The following GRID1 variants were observed in gnomAD, a reference collection of about 807,000 sequenced individuals.
GRID1 encodes the protein glutamate ionotropic receptor delta type subunit 1, also known as glutamate receptor ionotropic, delta-1.
Under a neutral mutation model 98.0 loss-of-function variants are expected in GRID1, and 28 were observed. The ratio of observed to expected loss-of-function variants is 0.29; its 90% confidence interval spans 0.21 to 0.39. The LOEUF (loss-of-function observed/expected upper bound fraction) is 0.39. GRID1 is among the 10% of genes least tolerant of loss of function. GRID1 has a pLI of 1.00. For synonymous variants in GRID1, 553 were observed against 538.5 expected (o/e 1.03, Z -0.37); for missense variants, 1,111 against 1,340.5 (o/e 0.83, Z 2.67).
chr10:86,140,109 A>G (rs553686439), intron 3 of GRID1, among the ~76,000 whole-genome samples: 1 of 152,324 alleles, frequency 6.6e-6, no homozygotes, highest in South Asian at 2.1e-4. Flanking sequence ...TTGTTTGCCT[A>G]AGGTGGGTCA....
At chr10:85,788,917 G>A (rs1192693030) in intron 8 of GRID1, among the ~76,000 whole-genome samples, 1 of 152,132 alleles carries the variant, frequency 6.6e-6, no homozygotes, top group African/African-American at 2.4e-5. Flanking sequence ...GGGAGGTAGG[G>A]TGGGTACATG....
chr10:85,734,181 T>C (rs1425544742), intron 8 of GRID1, among the ~76,000 whole-genome samples: 1 of 152,218 alleles, frequency 6.6e-6, no homozygotes, highest in Admixed American at 6.5e-5. Context: ...TATGGCTAGT[T>C]TGGCCAGCAC....
intron 8 of GRID1, among the ~76,000 whole-genome samples, chr10:85,788,159 AG>A (rs935162271): frequency 1.3e-5 from 2 of 152,146 alleles, no homozygotes; most frequent in Admixed American, 6.5e-5. Flanking sequence ...CTGATGAATG[AG>A]GGGGAAAAAA....
intron 12 of GRID1, among the ~76,000 whole-genome samples, chr10:85,648,656 C>T (rs972885557): frequency 6.6e-6 from 1 of 152,196 alleles, no homozygotes; most frequent in Non-Finnish European, 1.5e-5. Flanking sequence ...ATCCCACACA[C>T]TCCCCATCCA....
At chr10:85,905,982 G>C (rs189950200) in intron 5 of GRID1, among the ~76,000 whole-genome samples, 1 of 151,920 alleles carries the variant, frequency 6.6e-6, no homozygotes, top group African/African-American at 2.4e-5. Context: ...AAAATAGCAA[G>C]ACCTAAATAA....
chr10:85,730,134 A>G (rs1025209656), intron 8 of GRID1, among the ~76,000 whole-genome samples: 3 of 152,194 alleles, frequency 2.0e-5, no homozygotes, highest in African/African-American at 7.2e-5. Context: ...GCCTGTTTTC[A>G]CTGTGGTGCC....
Position 85,669,003 on chromosome 10 carries a change from C to T in GRID1, c.1998-21606G>A, listed in dbSNP as rs1841054748. Among the ~76,000 whole-genome samples, 5 of 152,320 alleles carry T rather than the reference C, an allele frequency of 3.3e-5. No individual in the cohort carries two copies. The South Asian group carries it at 1.0e-3, about 32-fold the overall frequency. On this transcript the variant is annotated intron_variant, in intron 12 of 15. Transcript: ENST00000327946. ...CACTGTGGACTTGCACTGGCAAAGCCAGGTGTTTGAAAAACATTATCCAAG... is the reference window on the plus strand; with the variant it reads ...CACTGTGGACTTGCACTGGCAAAGCTAGGTGTTTGAAAAACATTATCCAAG...
At chr10:86,079,624 C>T (rs1392187279) in intron 4 of GRID1, among the ~76,000 whole-genome samples, 1 of 152,182 alleles carries the variant, frequency 6.6e-6, no homozygotes, top group Non-Finnish European at 1.5e-5. Flanking sequence ...CTCCAAATCC[C>T]AGCACCAACC....
At chr10:85,797,439 AC>A (rs1842535222) in intron 8 of GRID1, among the ~76,000 whole-genome samples, 2 of 151,288 alleles carry the variant, frequency 1.3e-5, no homozygotes. Context: ...TTATTTATTT[AC>A]TTTTTTGAGA....
chr10:86,041,249 T>G (rs918760316), intron 4 of GRID1, among the ~76,000 whole-genome samples: 1 of 152,234 alleles, frequency 6.6e-6, no homozygotes, highest in Non-Finnish European at 1.5e-5. Context: ...TGTGAGTGGT[T>G]GGGCAGGCCC....
At chr10:86,113,950 C>T (rs1185717276) in intron 4 of GRID1, among the ~76,000 whole-genome samples, 3 of 152,198 alleles carry the variant, frequency 2.0e-5, no homozygotes, top group Admixed American at 6.5e-5. Context: ...TTTCCTTAAT[C>T]GATGGTGAGT....
intron 13 of GRID1, among the ~76,000 whole-genome samples, chr10:85,634,292 C>T (rs900346214): frequency 7.5e-5 from 8 of 106,650 alleles, no homozygotes; most frequent in African/African-American, 3.5e-4. Context: ...CTCTCTCTCT[C>T]ACACACACAC....
Position 85,735,801 on chromosome 10 carries a change from G to T in GRID1, c.1234-6187C>A, listed in dbSNP as rs1259371883. Among the ~76,000 whole-genome samples, 20 of 151,424 alleles carry T rather than the reference G, an allele frequency of 1.3e-4. No individual in the cohort carries two copies. The Admixed American group carries it at 1.3e-3, about 10-fold the overall frequency. On this transcript the variant is annotated intron_variant, in intron 8 of 15. Transcript: ENST00000327946. ...CGAAGGGAAGGAGAGAGGAAGGGAG[G>T]AAGGAAGGAGGGATGGAGGGATGCA...
chr10:86,329,632 C>G (rs768484876), intron 2 of GRID1, among the ~76,000 whole-genome samples: 6 of 152,192 alleles, frequency 3.9e-5, no homozygotes, highest in African/African-American at 1.4e-4. Flanking sequence ...TCCACACTCA[C>G]TGACTGACCC....
intron 8 of GRID1, among the ~76,000 whole-genome samples, chr10:85,806,703 G>T (rs774354687): frequency 6.6e-6 from 1 of 152,050 alleles, no homozygotes; most frequent in Non-Finnish European, 1.5e-5. Flanking sequence ...TATAAAAGAT[G>T]ACTGTGTACT....
chr10:85,672,025 C>G (rs1192287960), intron 12 of GRID1, among the ~76,000 whole-genome samples: 1 of 152,208 alleles, frequency 6.6e-6, no homozygotes, highest in Non-Finnish European at 1.5e-5. Flanking sequence ...AGGAATGAAG[C>G]TGTCTCCATA....
chr10:85,739,584 C>A (rs1388506850), intron 8 of GRID1, among the ~76,000 whole-genome samples: 1 of 152,000 alleles, frequency 6.6e-6, no homozygotes, highest in Non-Finnish European at 1.5e-5. Flanking sequence ...GACTTCAACT[C>A]AACTCAAAAC....
chr10:86,337,050 A>C (rs1214893039), intron 2 of GRID1, among the ~76,000 whole-genome samples: 1 of 150,406 alleles, frequency 6.6e-6, no homozygotes, highest in African/African-American at 2.5e-5. Flanking sequence ...GCGGGGTTTC[A>C]CCGTGTTAGC....
At chr10:86,053,872 TCACACACGTGTGCACACATGCA>T (rs1246805015) in intron 4 of GRID1, among the ~76,000 whole-genome samples, 1 of 152,056 alleles carries the variant, frequency 6.6e-6, no homozygotes, top group Non-Finnish European at 1.5e-5. Flanking sequence ...AAGCACATGC[TCACACACGTGTGCACACATGCA>T]CACACACGTT....
Sources: gnomAD v4.1 joint callset for allele counts (sites outside exome capture counted in the v4.1 genomes callset) on GRCh38, gnomAD v4.1.1 for gene constraint, MANE v1.5 for transcripts, NCBI Gene and HGNC (gene_info 2026-07-23, HGNC 2026-07-21) for gene names.